Variants in COLEC10 observed in about 807,000 individuals in gnomAD.
The protein encoded by COLEC10 is collectin-10.
Under a neutral mutation model 28.4 loss-of-function variants are expected in COLEC10, and 22 were observed. The observed-to-expected ratio is 0.78, with a 90% CI of 0.55 to 1.11. COLEC10 has a LOEUF of 1.11. Among genes scored for constraint, COLEC10 ranks in the 50% least tolerant of loss-of-function variants. The pLI, the probability that COLEC10 is intolerant of heterozygous loss-of-function variation, is 0.00. For missense variants in COLEC10, 361 were observed against 344.1 expected (o/e 1.05, Z -0.39); for synonymous variants, 125 against 116.1 (o/e 1.08, Z -0.49).
At chr8:118,963,940 G>A in the COLEC10 span, among the ~76,000 whole-genome samples, 3 of 152,152 alleles carry the variant, frequency 2.0e-5, no homozygotes, top group East Asian at 5.8e-4. Flanking sequence ...CCTCCTTGGG[G>A]GGATGCATGT....
chr8:118,975,200 C>A, the COLEC10 span, among the ~76,000 whole-genome samples: 1 of 152,000 alleles, frequency 6.6e-6, no homozygotes, highest in Non-Finnish European at 1.5e-5. Flanking sequence ...CATCCTAACA[C>A]TACATCAGAA....
intron 2 of COLEC10, among the ~76,000 whole-genome samples, chr8:119,024,425 T>C (rs958462615): frequency 6.6e-6 from 1 of 152,126 alleles, no homozygotes; most frequent in Admixed American, 6.6e-5. Context: ...GCATAAGTTA[T>C]GTATATGACC....
intron 2 of COLEC10, among the ~76,000 whole-genome samples, chr8:119,051,000 CT>C (rs1814663757): frequency 1.3e-5 from 2 of 152,084 alleles, no homozygotes; most frequent in African/African-American, 4.8e-5. Context: ...AGAAAAGTGA[CT>C]GATTTTTTTA....
the COLEC10 span, among the ~76,000 whole-genome samples, chr8:118,973,324 G>T: frequency 6.6e-6 from 1 of 151,948 alleles, no homozygotes; most frequent in African/African-American, 2.4e-5. Context: ...TTCTCTCAGG[G>T]TCTTCTATAA....
At chr8:119,021,495 T>C (rs1814093836) in intron 2 of COLEC10, among the ~76,000 whole-genome samples, 1 of 152,150 alleles carries the variant, frequency 6.6e-6, no homozygotes, top group Non-Finnish European at 1.5e-5. Context: ...CAGGAATTAC[T>C]ACTGCTGGAG....
At chr8:118,956,114 T>C in the COLEC10 span, among the ~76,000 whole-genome samples, 1 of 152,148 alleles carries the variant, frequency 6.6e-6, no homozygotes, top group Non-Finnish European at 1.5e-5. Flanking sequence ...CCTTGCAACC[T>C]TACGTGGCAG....
chr8:119,085,731 C>A (rs560433755), intron 1 of COLEC10, among the ~76,000 whole-genome samples: 1 of 151,690 alleles, frequency 6.6e-6, no homozygotes, highest in South Asian at 2.1e-4. Flanking sequence ...CGATCTCCTG[C>A]CTCAGCCTCC....
At chr8:119,080,615 C>T (rs1815348941) in intron 1 of COLEC10, among the ~76,000 whole-genome samples, 1 of 152,026 alleles carries the variant, frequency 6.6e-6, no homozygotes, top group Non-Finnish European at 1.5e-5. Context: ...GTTCCATTTA[C>T]ATCATTTATT....
At chr8:119,082,125 G>A (rs879580311) in intron 1 of COLEC10, among the ~76,000 whole-genome samples, 1 of 152,164 alleles carries the variant, frequency 6.6e-6, no homozygotes, top group Non-Finnish European at 1.5e-5. Flanking sequence ...TTCGGGTACT[G>A]AGCCTTGGAA....
chr8:118,965,795 T>C, the COLEC10 span, among the ~76,000 whole-genome samples: 5 of 152,246 alleles, frequency 3.3e-5, no homozygotes, highest in Middle Eastern at 3.4e-3. Flanking sequence ...AGGCATTCAA[T>C]TGATATTTTT....
intron 3 of COLEC10, among the ~76,000 whole-genome samples, chr8:119,101,458 A>G: frequency 6.6e-6 from 1 of 152,298 alleles, no homozygotes; most frequent in South Asian, 2.1e-4. Context: ...GTTGAAAAAA[A>G]ATTAACGTGT....
At chr8:119,024,577 CAT>C (rs1814155343) in intron 2 of COLEC10, among the ~76,000 whole-genome samples, 1 of 86,654 alleles carries the variant, frequency 1.2e-5, no homozygotes, top group African/African-American at 7.7e-5. Flanking sequence ...TATATGCACA[CAT>C]ACACACACAC....
chr8:118,980,055 C>G, the COLEC10 span, among the ~76,000 whole-genome samples: 9 of 151,962 alleles, frequency 5.9e-5, no homozygotes, highest in Non-Finnish European at 1.3e-4. Flanking sequence ...CTTCTTACAA[C>G]CTAATTTCAG....
At chr8:119,101,459 A>G (rs1361862231) in intron 3 of COLEC10, among the ~76,000 whole-genome samples, 1 of 152,122 alleles carries the variant, frequency 6.6e-6, no homozygotes, top group Non-Finnish European at 1.5e-5. Context: ...TTGAAAAAAA[A>G]TTAACGTGTT....
At chr8:119,094,865 A>C (rs1379583539) in intron 3 of COLEC10, among the ~76,000 whole-genome samples, 1 of 152,192 alleles carries the variant, frequency 6.6e-6, no homozygotes, top group Non-Finnish European at 1.5e-5. Flanking sequence ...AGGAATACCA[A>C]CAACAACAAA....
At chr8:118,969,815 G>T in the COLEC10 span, among the ~76,000 whole-genome samples, 3 of 151,418 alleles carry the variant, frequency 2.0e-5, no homozygotes. Flanking sequence ...ATCAGTTAAT[G>T]GTGTCCTCTG....
intron 3 of COLEC10, among the ~76,000 whole-genome samples, chr8:119,093,507 G>T (rs759654974): frequency 1.3e-5 from 2 of 152,108 alleles, no homozygotes; most frequent in African/African-American, 4.8e-5. Flanking sequence ...GTCTGTGATG[G>T]TTTTACCATG....
At chr8:118,992,265 A>AC (rs1813516097), upstream of COLEC10, among the ~76,000 whole-genome samples, 2 of 152,144 alleles carry the variant, frequency 1.3e-5, no homozygotes, top group South Asian at 4.1e-4. Context: ...TCTTTTTAAA[A>AC]ATTTTAACCT....
At chr8:119,044,568 G>A (rs952696941) in intron 2 of COLEC10, among the ~76,000 whole-genome samples, 2 of 152,142 alleles carry the variant, frequency 1.3e-5, no homozygotes, top group Non-Finnish European at 2.9e-5. Flanking sequence ...TAACTGGGCG[G>A]GCATGGTGGC....
Sources: gnomAD v4.1 joint callset for allele counts (sites outside exome capture counted in the v4.1 genomes callset) on GRCh38, gnomAD v4.1.1 for gene constraint, MANE v1.5 for transcripts, NCBI Gene and HGNC (gene_info 2026-07-23, HGNC 2026-07-21) for gene names.